The following NAV2 variants were observed in gnomAD, a reference collection of about 807,000 sequenced individuals.
NAV2 encodes neuron navigator 2, also known as helicase, APC down-regulated 1.
In NAV2, 54 loss-of-function variants were observed where a neutral mutation model predicts 223.2. That is an observed-to-expected ratio of 0.24 (90% CI 0.19 to 0.30). The LOEUF (loss-of-function observed/expected upper bound fraction) is 0.30, where lower values mean the gene tolerates loss of function less well. Among genes scored for constraint, NAV2 ranks in the 10% least tolerant of loss-of-function variants. NAV2 has a pLI of 1.00. For missense variants in NAV2, 2,806 were observed against 3,147.5 expected (o/e 0.89, Z 2.60); for synonymous variants, 1,279 against 1,239.3 (o/e 1.03, Z -0.67).
chr11:19,870,695 C>T (rs958832173), intron 4 of NAV2, among the ~76,000 whole-genome samples: 6 of 152,216 alleles, frequency 3.9e-5, no homozygotes, highest in Non-Finnish European at 1.5e-5. Flanking sequence ...GTATTGGCTT[C>T]AGTTCTCACA....
At chr11:19,893,943 TCTC>T (rs1179648756) in intron 6 of NAV2, among the ~76,000 whole-genome samples, 1 of 152,198 alleles carries the variant, frequency 6.6e-6, no homozygotes, top group Non-Finnish European at 1.5e-5. Flanking sequence ...AGATAAAAGT[TCTC>T]CTGCATATTC....
chr11:19,844,420 G>A (rs746924067), intron 3 of NAV2, among the ~76,000 whole-genome samples: 12 of 152,280 alleles, frequency 7.9e-5, no homozygotes, highest in Non-Finnish European at 1.3e-4. Flanking sequence ...GAGGTTTTGC[G>A]TGTTGTTAGA....
chr11:19,351,453 G>A (rs576702546), intron 1 of NAV2, among the ~76,000 whole-genome samples: 1 of 152,226 alleles, frequency 6.6e-6, no homozygotes, highest in African/African-American at 2.4e-5. Flanking sequence ...TGTGTTTATG[G>A]ATCAAAAACA....
Position 19,848,723 on chromosome 11 carries a change from G to A in NAV2, c.438+5800G>A, listed in dbSNP as rs1334618042. On this transcript the variant is annotated intron_variant, in intron 3 of 37. Transcript: ENST00000349880. ...GGCCTCAGTAGATGTTAGCTCTTTTGATGATTTTTCAAGGGACTTAAGTAT... is the reference window on the plus strand; with the variant it reads ...GGCCTCAGTAGATGTTAGCTCTTTTAATGATTTTTCAAGGGACTTAAGTAT... Among the ~76,000 whole-genome samples, 4 of 152,202 alleles carry A rather than the reference G, an allele frequency of 2.6e-5. No homozygotes were observed. In the East Asian group the frequency reaches 7.7e-4, roughly 29 times the overall value.
chr11:19,802,363 G>A (rs1373480322), intron 1 of NAV2, among the ~76,000 whole-genome samples: 3 of 152,104 alleles, frequency 2.0e-5, no homozygotes, highest in South Asian at 2.1e-4. Flanking sequence ...TGGGTTCCAG[G>A]AGCGCCTGTG....
At chr11:19,631,361 G>GT (rs1377401804) in intron 1 of NAV2, among the ~76,000 whole-genome samples, 2 of 151,986 alleles carry the variant, frequency 1.3e-5, no homozygotes, top group Admixed American at 6.5e-5. Flanking sequence ...GCGGTGTTTG[G>GT]TTTTTTGTCC....
Position 20,062,050 on chromosome 11 carries a change from T to C in NAV2, c.4832-257T>C, listed in dbSNP as rs529724006. On this transcript the variant is annotated intron_variant, in intron 19 of 37. Coordinates refer to ENST00000349880, the MANE Select transcript of NAV2 (RefSeq NM_145117.5). ...CTTGAACATTTTTGTTCAGTAATCA[T>C]ATATTATTTTGACAGTCAAGAGAAA... Among the ~76,000 whole-genome samples the C allele has an allele frequency of 4.6e-5, 7 of 152,318 alleles. No individual in the cohort carries two copies. In the East Asian group the frequency reaches 1.2e-3, roughly 25 times the overall value.
At chr11:19,732,159 T>TGGA (rs1211584206) in intron 1 of NAV2, among the ~76,000 whole-genome samples, 1 of 151,626 alleles carries the variant, frequency 6.6e-6, no homozygotes, top group Non-Finnish European at 1.5e-5. Context: ...CTCGGGAGGC[T>TGGA]GAGGCAGGAG....
chr11:19,750,104 C>T (rs922038227), intron 1 of NAV2, among the ~76,000 whole-genome samples: 2 of 152,238 alleles, frequency 1.3e-5, no homozygotes, highest in African/African-American at 2.4e-5. Context: ...CTCTAACGAA[C>T]CTCTTCGCTC....
At chr11:19,806,097 G>C (rs1433029135) in intron 1 of NAV2, among the ~76,000 whole-genome samples, 1 of 152,188 alleles carries the variant, frequency 6.6e-6, no homozygotes, top group Non-Finnish European at 1.5e-5. Flanking sequence ...TGCTGAATTT[G>C]CTTTAGTGTG....
chr11:19,741,961 A>G (rs1447706577), intron 1 of NAV2, among the ~76,000 whole-genome samples: 1 of 151,970 alleles, frequency 6.6e-6, no homozygotes, highest in Non-Finnish European at 1.5e-5. Flanking sequence ...TTTCCCAAAA[A>G]CAGTGTTCAG....
intron 1 of NAV2, among the ~76,000 whole-genome samples, chr11:19,549,724 T>C (rs1033563819): frequency 5.9e-5 from 9 of 152,218 alleles, no homozygotes; most frequent in African/African-American, 1.9e-4. Context: ...AGGAGGTGTC[T>C]GAGAGGTCTC....
In NAV2 at chr11:20,023,044, C is replaced by T. The variant is rs2054648233; in HGVS notation, c.2769-12915C>T. On this transcript the variant is annotated intron_variant, in intron 11 of 37. Transcript: ENST00000349880. Reference sequence around the variant, plus strand: ...CTGGCTCAGCTGGCTAAAGGACTTGCCATCCTGTGAGATTCATTCAGCTTC... The same window carrying T: ...CTGGCTCAGCTGGCTAAAGGACTTGTCATCCTGTGAGATTCATTCAGCTTC... The T allele has an allele frequency of 6.5e-6, 10 of 1,548,976 alleles. No individual in the cohort carries two copies. The Admixed American group carries it at 2.0e-4, about 30-fold the overall frequency.
chr11:19,629,289 C>T (rs1194843470), intron 1 of NAV2, among the ~76,000 whole-genome samples: 1 of 152,042 alleles, frequency 6.6e-6, no homozygotes, highest in African/African-American at 2.4e-5. Flanking sequence ...CCATTCAGTC[C>T]TCTCTTGTAT....
At chr11:19,593,584 G>A (rs924318362) in intron 1 of NAV2, among the ~76,000 whole-genome samples, 10 of 152,176 alleles carry the variant, frequency 6.6e-5, no homozygotes, top group African/African-American at 2.4e-4. Context: ...GAGTTACATG[G>A]TTAGTATATG....
chr11:19,998,991 G>A lies in NAV2; in HGVS notation c.2768+14744G>A, dbSNP rs73434159. 0.012 allele frequency among the ~76,000 whole-genome samples: 1,806 copies of A among 152,322 alleles called. 37 individuals are homozygous for A. Among genetic ancestry groups the A allele is most frequent in the African/African-American group, 0.04 (1,679 of 41,570 alleles). On this transcript the variant is annotated intron_variant, in intron 11 of 37. Coordinates refer to ENST00000349880, the MANE Select transcript of NAV2 (RefSeq NM_145117.5). This position sits in a 1 kb window ranked among gnomAD's most constrained non-coding sequence, Gnocchi z 5.0. Reference sequence around the variant, plus strand: ...AATCCCCTCTCCCAGCACAGGGCCCGTCCAGAGAGGGTGCTTATTACATAT... The same window carrying A: ...AATCCCCTCTCCCAGCACAGGGCCCATCCAGAGAGGGTGCTTATTACATAT...
rs11267537 is a variant in NAV2, at chr11:20,106,175, A to ATATATGTGTGTGTGTGTGTGTGTG, written c.6841+449_6841+450insATATGTGTGTGTGTGTGTGTGTGT. 4.2e-4 allele frequency among the ~76,000 whole-genome samples: 15 copies of ATATATGTGTGTGTGTGTGTGTGTG among 35,826 alleles called. 1 individual carries two copies. Among genetic ancestry groups the ATATATGTGTGTGTGTGTGTGTGTG allele is most frequent in the South Asian group, 1.2e-3 (1 of 816 alleles). 23.5% of individuals were successfully genotyped at this position (35,826 alleles called of 152,430 possible). Reference sequence around the variant, plus strand: ...TGTGTGTATATATATATATATATATATGTGTGTGTATATATATATATATAT... The same window carrying ATATATGTGTGTGTGTGTGTGTGTG: ...TGTGTGTATATATATATATATATATATATATGTGTGTGTGTGTGTGTGTGTGTGTGTGTATATATATATATATAT... On this transcript the variant is annotated intron_variant, in intron 35 of 37. Coordinates refer to ENST00000349880, the MANE Select transcript of NAV2 (RefSeq NM_145117.5).
chr11:19,818,420 T>A (rs746963179), intron 1 of NAV2, among the ~76,000 whole-genome samples: 5 of 151,994 alleles, frequency 3.3e-5, no homozygotes, highest in Non-Finnish European at 5.9e-5. Flanking sequence ...TGTACAGTAG[T>A]GCATTATTAT....
At position 19,631,631 on chromosome 11, in the gene NAV2, A is replaced by G. The variant is rs564325928; in HGVS notation, c.76-200853A>G. 5.9e-5 allele frequency among the ~76,000 whole-genome samples: 9 copies of G among 152,246 alleles called. No individual in the cohort carries two copies. The South Asian group carries it at 1.9e-3, about 32-fold the overall frequency. On this transcript the variant is annotated intron_variant, in intron 1 of 37. Transcript: ENST00000360655. ...TCTAGCTAAAGGGAACTCTCACAGC[A>G]CTTCACTCTCAGTGTTTTAAGGAGA...
Sources: allele counts gnomAD v4.1 joint callset (sites outside exome capture counted in the v4.1 genomes callset), GRCh38; gene constraint gnomAD v4.1.1; non-coding constraint Gnocchi (gnomAD v3.1); transcripts MANE v1.5; gene names NCBI Gene and HGNC (gene_info 2026-07-23, HGNC 2026-07-21).